The following MERTK variants were observed in gnomAD, a reference collection of about 807,000 sequenced individuals.
MERTK encodes MER proto-oncogene, tyrosine kinase, also known as tyrosine-protein kinase Mer.
In MERTK, 69 loss-of-function variants were observed where a neutral mutation model predicts 99.3. The ratio of observed to expected loss-of-function variants is 0.70; its 90% confidence interval spans 0.57 to 0.85. MERTK has a LOEUF of 0.85. Ranked by LOEUF, MERTK falls within the 40% of genes least tolerant of loss-of-function variation. The probability of loss-of-function intolerance (pLI) is 0.00; values close to 1 mark genes in which losing one functional copy is unlikely to be tolerated. For synonymous variants in MERTK, 426 were observed against 467.6 expected, an observed-to-expected ratio of 0.91 and a Z score of 1.15; for missense variants, 1,125 against 1,249.4, an observed-to-expected ratio of 0.90 and a Z score of 1.50.
chr2:111,915,296 G>T (rs1181791849), intron 1 of MERTK, among the ~76,000 whole-genome samples: 1 of 151,042 alleles, frequency 6.6e-6, no homozygotes, highest in Non-Finnish European at 1.5e-5. Flanking sequence ...CTTGTTAGAG[G>T]TTTGTTAATT....
At chr2:112,003,047 AAC>A in intron 11 of MERTK, 43 bp from the exon 12 acceptor site, 1 of 865,086 alleles carries the variant, frequency 1.2e-6, no homozygotes, top group Non-Finnish European at 2.0e-6. Flanking sequence ...AGTGAAAGAA[AAC>A]ACGCTGACAA....
intron 1 of MERTK, among the ~76,000 whole-genome samples, chr2:111,905,299 T>A (rs1684116724): frequency 6.6e-6 from 1 of 152,150 alleles, no homozygotes; most frequent in South Asian, 2.1e-4. Flanking sequence ...GGCACTAGGA[T>A]CTAGGGACAT....
intron 4 of MERTK, among the ~76,000 whole-genome samples, chr2:111,951,522 C>CATATATATATGTATATATAT (rs1342486760): frequency 8.2e-5 from 7 of 85,870 alleles, no homozygotes; most frequent in African/African-American, 2.7e-4. Flanking sequence ...ATAATATTCC[C>CATATATATATGTATATATAT]ATATATATAT....
intron 4 of MERTK, among the ~76,000 whole-genome samples, chr2:111,964,043 C>CTTTTT (rs56693776): frequency 9.6e-6 from 1 of 103,858 alleles, no homozygotes; most frequent in Non-Finnish European, 1.9e-5. Flanking sequence ...AATTTTCTTT[C>CTTTTT]TTTTTTTTTT....
chr2:111,986,897 G>T (rs1377714859), intron 8 of MERTK, among the ~76,000 whole-genome samples: 5 of 152,174 alleles, frequency 3.3e-5, no homozygotes, highest in Non-Finnish European at 7.3e-5. Flanking sequence ...TCAAGCTTAT[G>T]ATCCAAAACT....
At chr2:111,961,992 T>C (rs1417887013) in intron 4 of MERTK, among the ~76,000 whole-genome samples, 1 of 152,198 alleles carries the variant, frequency 6.6e-6, no homozygotes, top group African/African-American at 2.4e-5. Flanking sequence ...TTACTGTTAT[T>C]AGTGATAAGC....
chr2:111,960,498 A>AG (rs1158765769), intron 4 of MERTK, among the ~76,000 whole-genome samples: 182 of 149,716 alleles, frequency 1.2e-3, no homozygotes, highest in African/African-American at 4.4e-3. Flanking sequence ...AAAAAAAAAA[A>AG]AAAGAAAAGA....
intron 8 of MERTK, 148 bp from the exon 9 acceptor site, chr2:111,994,103 T>C: frequency 4.2e-6 from 4 of 961,176 alleles, no homozygotes; most frequent in Non-Finnish European, 6.6e-6. Context: ...CCATTGGCCA[T>C]GGCCTGAGTG....
intron 2 of MERTK, among the ~76,000 whole-genome samples, chr2:111,934,259 A>G (rs1186159626): frequency 6.6e-6 from 1 of 152,106 alleles, no homozygotes; most frequent in Non-Finnish European, 1.5e-5. Flanking sequence ...TGCTGGGTCA[A>G]ATGGTATTTC....
At chr2:111,945,986 A>G (rs1347689820) in intron 3 of MERTK, among the ~76,000 whole-genome samples, 1 of 152,166 alleles carries the variant, frequency 6.6e-6, no homozygotes, top group African/African-American at 2.4e-5. Context: ...AGTCAGAAAC[A>G]TCTCCCACTG....
intron 5 of MERTK, 84 bp downstream of exon 5, chr2:111,965,361 T>A: frequency 1.5e-6 from 2 of 1,310,640 alleles, no homozygotes; most frequent in Non-Finnish European, 2.2e-6. Context: ...TGCCTGGGTG[T>A]GGATCCTGGC....
chr2:112,022,190 C>T, intron 17 of MERTK, 68 bp from the exon 18 acceptor site: 1 of 1,604,780 alleles, frequency 6.2e-7, no homozygotes, highest in Non-Finnish European at 8.5e-7. Context: ...TGACCTTTCC[C>T]AGTGAAAAAG....
At position 111,951,522 on chromosome 2, in the gene MERTK, C is replaced by CATATATATATGTATATAT. The variant is rs1342486760; in HGVS notation, c.757+3965_757+3966insGTATATATATATATATAT. Among the ~76,000 whole-genome samples, 126 of 85,864 alleles carry CATATATATATGTATATAT rather than the reference C, an allele frequency of 1.5e-3. 1 individual carries two copies. Among genetic ancestry groups the CATATATATATGTATATAT allele is most frequent in the African/African-American group, 4.8e-3 (124 of 25,618 alleles). 56.3% of individuals were successfully genotyped at this position (85,864 alleles called of 152,430 possible). A position where few individuals can be genotyped will look rare whatever the true frequency, so the allele number is the denominator to read the frequency against. On this transcript the variant is annotated intron_variant, in intron 4 of 18. Transcript: ENST00000295408. ...TTTTGTACACGCTGAATAATATTCC[C>CATATATATATGTATATAT]ATATATATATATATATATATATATA...
rs1375860934 is a variant in MERTK, at chr2:112,003,941, G to A, written c.1824G>A (p.Gln608=). 1.1e-5 allele frequency: 18 copies of A among 1,613,702 alleles called. No homozygotes were observed. The Admixed American group carries it at 2.5e-4, about 22-fold the overall frequency. The part of the protein sequence containing the change: ...FGSVMEGNLK[Q]EDGTSLKVAV... ...CTGTAATGGAAGGAAATCTTAAGCAGGAAGATGGGACCTCTCTGAAAGTGG... is the reference window on the plus strand; with the variant it reads ...CTGTAATGGAAGGAAATCTTAAGCAAGAAGATGGGACCTCTCTGAAAGTGG... Residue 608 remains glutamine (Q), a synonymous_variant, in exon 13 of 19, where the codon CAG becomes CAA. Transcript: ENST00000295408.
At chr2:111,914,544 G>A (rs769904921) in intron 1 of MERTK, among the ~76,000 whole-genome samples, 3 of 152,178 alleles carry the variant, frequency 2.0e-5, no homozygotes, top group Non-Finnish European at 4.4e-5. Context: ...CTCCCAAAGT[G>A]CTGGGATTAC....
chr2:111,931,954 G>T (rs1325860119), intron 2 of MERTK, among the ~76,000 whole-genome samples: 1 of 152,144 alleles, frequency 6.6e-6, no homozygotes, highest in East Asian at 1.9e-4. Context: ...GACTTAAATT[G>T]TAGAGTTTTA....
chr2:111,902,967 C>T (rs1684073280), intron 1 of MERTK, among the ~76,000 whole-genome samples: 1 of 152,158 alleles, frequency 6.6e-6, no homozygotes, highest in African/African-American at 2.4e-5. Flanking sequence ...TTAGTAGAGA[C>T]AGGGTTTCAC....
At chr2:111,979,146 T>A (rs10166564) in intron 7 of MERTK, among the ~76,000 whole-genome samples, 6 of 152,130 alleles carry the variant, frequency 3.9e-5, no homozygotes, top group African/African-American at 4.8e-5. Flanking sequence ...TTTGCCTTTC[T>A]TAGTTTATGC....
At chr2:111,898,864 G>C in intron 1 of MERTK, 68 bp downstream of exon 1, 1 of 1,488,466 alleles carries the variant, frequency 6.7e-7, no homozygotes, top group Non-Finnish European at 9.0e-7. Context: ...GGGCCTCTGG[G>C]GAGGGAGCGC....
Sources: allele counts gnomAD v4.1 joint callset (sites outside exome capture counted in the v4.1 genomes callset), GRCh38; gene constraint gnomAD v4.1.1; transcripts MANE v1.5; gene names NCBI Gene and HGNC (gene_info 2026-07-23, HGNC 2026-07-21).